The following GOLPH3 variants were observed in gnomAD, a reference collection of about 807,000 sequenced individuals.
GOLPH3 encodes the protein coat protein GPP34.
Under a neutral mutation model 28.5 loss-of-function variants are expected in GOLPH3, and 14 were observed. That is an observed-to-expected ratio of 0.49 (90% CI 0.32 to 0.77). The LOEUF is 0.77. Among genes scored for constraint, GOLPH3 ranks in the 30% least tolerant of loss-of-function variants. The probability of loss-of-function intolerance (pLI) is 0.03; values close to 1 mark genes in which losing one functional copy is unlikely to be tolerated. For synonymous variants in GOLPH3, 158 were observed against 159.2 expected (o/e 0.99, Z 0.06); for missense variants, 350 against 393.7 (o/e 0.89, Z 0.94).
rs1746236246 is a variant in GOLPH3, at chr5:32,148,786, G to A, written c.226-4906C>T. Among the ~76,000 whole-genome samples, 3 of 152,168 alleles carry A rather than the reference G, an allele frequency of 2.0e-5. No individual in the cohort carries two copies. The South Asian group carries it at 6.2e-4, about 32-fold the overall frequency. ...CACTCCAGCCTGGGCAAGAGAGCAA[G>A]ACTCTGTCTCAAAAAAAATAAAAAA... On this transcript the variant is annotated intron_variant, in intron 1 of 3. Coordinates refer to ENST00000265070, the MANE Select transcript of GOLPH3 (RefSeq NM_022130.4).
chr5:32,170,027 C>T (rs780994973), intron 1 of GOLPH3, among the ~76,000 whole-genome samples: 27 of 151,544 alleles, frequency 1.8e-4, no homozygotes, highest in Non-Finnish European at 2.6e-4. Flanking sequence ...GCCAGACCAT[C>T]TGCTTATTCA....
intron 3 of GOLPH3, among the ~76,000 whole-genome samples, chr5:32,126,881 C>G (rs996025940): frequency 1.3e-5 from 2 of 152,126 alleles, no homozygotes; most frequent in African/African-American, 2.4e-5. Flanking sequence ...AGTCTTCAGA[C>G]CAGAGTCAGT....
chr5:32,152,835 G>C (rs1746338503), intron 1 of GOLPH3, among the ~76,000 whole-genome samples: 2 of 151,122 alleles, frequency 1.3e-5, no homozygotes. Context: ...TGACAGCATA[G>C]TTGGCAAAAA....
At chr5:32,128,347 C>G (rs1244288333) in intron 3 of GOLPH3, among the ~76,000 whole-genome samples, 1 of 152,144 alleles carries the variant, frequency 6.6e-6, no homozygotes, top group Non-Finnish European at 1.5e-5. Flanking sequence ...ATAGACCACC[C>G]TAGACATGCC....
chr5:32,173,728 CGCTCACCTGGCACCTACCTGGA>C (rs1561691793), intron 1 of GOLPH3, 60 bp downstream of exon 1: 1 of 1,007,126 alleles, frequency 9.9e-7, no homozygotes, highest in Non-Finnish European at 1.3e-6. Context: ...AAGCCTCGGG[CGCTCACCTGGCACCTACCTGGA>C]GCTCACCTGG....
At chr5:32,137,676 T>C (rs1050933149) in intron 2 of GOLPH3, among the ~76,000 whole-genome samples, 3 of 152,040 alleles carry the variant, frequency 2.0e-5, no homozygotes, top group South Asian at 2.1e-4. Context: ...GAAAGCTACA[T>C]TGAGATATAG....
rs530213548 is a variant in GOLPH3 at position 32,132,602 on chromosome 5, C to A, written c.472+2970G>T. On this transcript the variant is annotated intron_variant, in intron 3 of 3. Transcript: ENST00000265070. ...TTTTAAGATTCTTTCAGTCTGAGAG[C>A]ACATTTTAAATTTCATAGCACATAT... is the stretch of plus-strand genomic sequence containing the variant. Among the ~76,000 whole-genome samples, 22 of 152,276 alleles carry A rather than the reference C, an allele frequency of 1.4e-4. No individual in the cohort carries two copies. The South Asian group carries it at 4.1e-3, about 29-fold the overall frequency.
chr5:32,163,513 G>T (rs1746639394), intron 1 of GOLPH3, among the ~76,000 whole-genome samples: 1 of 152,130 alleles, frequency 6.6e-6, no homozygotes, highest in Non-Finnish European at 1.5e-5. Context: ...AATTAGCTGG[G>T]CATGGTGGCA....
intron 2 of GOLPH3, among the ~76,000 whole-genome samples, chr5:32,138,676 C>T (rs891520257): frequency 6.6e-6 from 1 of 152,128 alleles, no homozygotes; most frequent in African/African-American, 2.4e-5. Context: ...TTTTTCCATA[C>T]TAAGACCAAA....
At chr5:32,151,370 T>C (rs1365774801) in intron 1 of GOLPH3, among the ~76,000 whole-genome samples, 2 of 152,142 alleles carry the variant, frequency 1.3e-5, no homozygotes, top group Non-Finnish European at 2.9e-5. Flanking sequence ...CAAAAAATGT[T>C]TTAAAATTAG....
intron 1 of GOLPH3, among the ~76,000 whole-genome samples, chr5:32,170,973 C>G (rs1746820757): frequency 1.3e-5 from 2 of 152,100 alleles, no homozygotes; most frequent in Admixed American, 6.6e-5. Flanking sequence ...TAGCAAGCAT[C>G]TGGACCTTAG....
Position 32,126,178 on chromosome 5 carries a change from TGAGA to T in GOLPH3, c.*30_*33del. 3 of 1,568,996 alleles carry T rather than the reference TGAGA, an allele frequency of 1.9e-6. No individual in the cohort carries two copies. Among genetic ancestry groups the T allele is most frequent in the Non-Finnish European group, 2.6e-6 (3 of 1,154,660 alleles). ...ACAGAAGAAAAACTACTGGTTTACT[TGAGA>T]GAAAGGAGAATGGTTCACCCCGAGC... is the stretch of plus-strand genomic sequence containing the variant. On this transcript the variant is annotated 3_prime_UTR_variant, in exon 4 of 4. Coordinates refer to ENST00000265070, the MANE Select transcript of GOLPH3 (RefSeq NM_022130.4).
chr5:32,152,097 A>G (rs1354063315), intron 1 of GOLPH3, among the ~76,000 whole-genome samples: 2 of 152,044 alleles, frequency 1.3e-5, no homozygotes, highest in Admixed American at 1.3e-4. Context: ...AATGTTTTAA[A>G]TGGTACACTT....
intron 1 of GOLPH3, among the ~76,000 whole-genome samples, chr5:32,149,701 TAAA>T (rs1561671832): frequency 1.3e-5 from 2 of 152,236 alleles, no homozygotes. Context: ...TAAGAACTGT[TAAA>T]GAAGTAGTAA....
In GOLPH3 at chr5:32,147,273, C is replaced by G. The variant is rs548547115; in HGVS notation, c.226-3393G>C. 2.6e-3 allele frequency among the ~76,000 whole-genome samples: 401 copies of G among 152,218 alleles called. 4 individuals carry two copies. The highest frequency in any genetic ancestry group is 3.7e-3 in the Non-Finnish European group (250 of 68,000). ...TCAGCACTTCCCAAACTTTCCTGAC[C>G]TTGAAGCATTTTAATTTACAGTATA... is the stretch of plus-strand genomic sequence containing the variant. On this transcript the variant is annotated intron_variant, in intron 1 of 3. Coordinates refer to ENST00000265070, the MANE Select transcript of GOLPH3 (RefSeq NM_022130.4).
intron 3 of GOLPH3, among the ~76,000 whole-genome samples, chr5:32,129,943 G>A (rs928641724): frequency 5.3e-5 from 8 of 151,954 alleles, no homozygotes; most frequent in Admixed American, 1.3e-4. Flanking sequence ...CTGGGTTCAC[G>A]TCATTCTCCT....
At position 32,174,226 on chromosome 5, in the gene GOLPH3, C is replaced by T. The variant is rs1386614166; in HGVS notation, c.-192G>A. 7.9e-6 allele frequency: 3 copies of T among 377,696 alleles called. No homozygotes were observed. Among genetic ancestry groups the T allele is most frequent in the Non-Finnish European group, 9.3e-6 (2 of 214,738 alleles). 23.4% of individuals were successfully genotyped at this position (377,696 alleles called of 1,614,324 possible). On this transcript the variant is annotated 5_prime_UTR_variant, in exon 1 of 4. Transcript: ENST00000265070. ...GCGAAGCGGGCTGGCCGGGCGTCGG[C>T]GGGGCAGGAGAGGAGCGCCTTCCTG...
chr5:32,163,899 G>T (rs1746649088), intron 1 of GOLPH3, among the ~76,000 whole-genome samples: 1 of 152,014 alleles, frequency 6.6e-6, no homozygotes, highest in African/African-American at 2.4e-5. Flanking sequence ...TGTTAATACG[G>T]TATAAACTGT....
chr5:32,124,770 T>C lies in GOLPH3; in HGVS notation c.*1442A>G, dbSNP rs549390896. 3.3e-5 allele frequency: 5 copies of C among 152,586 alleles called. No individual in the cohort carries two copies. Among genetic ancestry groups the C allele is most frequent in the East Asian group, 1.9e-4 (1 of 5,186 alleles). The allele number at this position is 152,586 out of a possible 1,614,324, so 9.5% of individuals were successfully genotyped here. ...TATTACTTCAGATAAAAAGATAGTATACATATTAGGGAATCCCTTAAAATT... is the reference window on the plus strand; with the variant it reads ...TATTACTTCAGATAAAAAGATAGTACACATATTAGGGAATCCCTTAAAATT... On this transcript the variant is annotated 3_prime_UTR_variant, in exon 4 of 4. Coordinates refer to ENST00000265070, the MANE Select transcript of GOLPH3 (RefSeq NM_022130.4).
Sources: gnomAD v4.1 joint callset for allele counts (sites outside exome capture counted in the v4.1 genomes callset) on GRCh38, gnomAD v4.1.1 for gene constraint, MANE v1.5 for transcripts, NCBI Gene and HGNC (gene_info 2026-07-23, HGNC 2026-07-21) for gene names.